DHRSX: variants seen among roughly 807,000 people sequenced by gnomAD.
DHRSX encodes the protein polyprenol dehydrogenase.
DHRSX carries 31 observed loss-of-function variants against 34.0 expected under a neutral mutation model. That is an observed-to-expected ratio of 0.91 (90% CI 0.69 to 1.23). The LOEUF (loss-of-function observed/expected upper bound fraction) is 1.23, where lower values mean the gene tolerates loss of function less well. Among genes scored for constraint, DHRSX ranks in the 50% most tolerant of loss-of-function variants. The pLI, the probability that DHRSX is intolerant of heterozygous loss-of-function variation, is 0.00. For synonymous variants in DHRSX, 201 were observed against 183.8 expected, an observed-to-expected ratio of 1.09 and a Z score of -0.76; for missense variants, 414 against 428.1, an observed-to-expected ratio of 0.97 and a Z score of 0.29.
At chrX:2,382,354 C>G (rs2043212267) in intron 3 of DHRSX, among the ~76,000 whole-genome samples, 2 of 152,164 alleles carry the variant, frequency 1.3e-5, no homozygotes, top group Admixed American at 6.6e-5. Flanking sequence ...GGACACAGAA[C>G]AGTCCACAGA....
chrX:2,224,935 ATT>A (rs1569475978), intron 6 of DHRSX, among the ~76,000 whole-genome samples: 1 of 148,168 alleles, frequency 6.7e-6, no homozygotes, highest in East Asian at 2.0e-4. Flanking sequence ...ACATGCACTC[ATT>A]CACATGTACA....
chrX:2,453,897 T>C (rs943592225), intron 1 of DHRSX, among the ~76,000 whole-genome samples: 46 of 152,124 alleles, frequency 3.0e-4, no homozygotes, highest in African/African-American at 9.7e-4. Flanking sequence ...ATATGTTAAT[T>C]AGCTTGGTTA....
chrX:2,306,746 A>G (rs1054819031), intron 3 of DHRSX, among the ~76,000 whole-genome samples: 2 of 152,034 alleles, frequency 1.3e-5, no homozygotes, highest in Admixed American at 1.3e-4. Flanking sequence ...ATTGGCCTGT[A>G]GTTTTCTATT....
At chrX:2,273,908 C>T (rs1351982726) in intron 4 of DHRSX, among the ~76,000 whole-genome samples, 3 of 152,186 alleles carry the variant, frequency 2.0e-5, no homozygotes, top group East Asian at 1.9e-4. Flanking sequence ...GCTAGGGACT[C>T]GCCTGGCGGG....
chrX:2,265,979 C>T (rs1457295240), intron 5 of DHRSX, among the ~76,000 whole-genome samples: 3 of 139,090 alleles, frequency 2.2e-5, no homozygotes, highest in South Asian at 2.3e-4. Flanking sequence ...GCAGGGAGCA[C>T]TGTTCCCAGA....
At chrX:2,246,380 T>G (rs1234787815) in intron 5 of DHRSX, among the ~76,000 whole-genome samples, 1 of 151,976 alleles carries the variant, frequency 6.6e-6, no homozygotes, top group Admixed American at 6.6e-5. Context: ...TCCCAGCGCT[T>G]TGGGAGGCTG....
intron 1 of DHRSX, among the ~76,000 whole-genome samples, chrX:2,435,636 G>T (rs1378617929): frequency 6.6e-6 from 1 of 152,082 alleles, no homozygotes; most frequent in Non-Finnish European, 1.5e-5. Context: ...ATGGTGGCTT[G>T]CATGTGTAGT....
In DHRSX at chrX:2,219,695, T is replaced by G. The variant is rs1260366356; in HGVS notation, c.*1346A>C. 2.6e-5 allele frequency: 4 copies of G among 152,162 alleles called. No individual in the cohort carries two copies. Among genetic ancestry groups the G allele is most frequent in the African/African-American group, 9.7e-5 (4 of 41,444 alleles). 9.4% of individuals were successfully genotyped at this position (152,162 alleles called of 1,614,324 possible). A position where few individuals can be genotyped will look rare whatever the true frequency, so the allele number is the denominator to read the frequency against. On this transcript the variant is annotated 3_prime_UTR_variant, in exon 7 of 7. Transcript: ENST00000334651. Reference sequence around the variant, plus strand: ...GGTACAGGCATGCCAGGAGCCTGGATTTGAATAGTCAGTGGGATTTTGTCA... The same window carrying G: ...GGTACAGGCATGCCAGGAGCCTGGAGTTGAATAGTCAGTGGGATTTTGTCA...
At chrX:2,312,025 G>C (rs1340511875) in intron 3 of DHRSX, among the ~76,000 whole-genome samples, 1 of 152,078 alleles carries the variant, frequency 6.6e-6, no homozygotes, top group Non-Finnish European at 1.5e-5. Context: ...AAAATCCAAC[G>C]GCATCAAAAT....
At chrX:2,266,048 C>T (rs772085513) in intron 5 of DHRSX, among the ~76,000 whole-genome samples, 100 of 129,382 alleles carry the variant, frequency 7.7e-4, no homozygotes, top group Non-Finnish European at 1.1e-3. Flanking sequence ...GTACAGCAGA[C>T]GCAGGGAGCA....
At chrX:2,397,162 C>T (rs938335181) in intron 3 of DHRSX, among the ~76,000 whole-genome samples, 1 of 151,848 alleles carries the variant, frequency 6.6e-6, no homozygotes, top group African/African-American at 2.4e-5. Flanking sequence ...CCACGCCTGA[C>T]TAATTTTTTT....
chrX:2,277,083 G>C (rs1452757533), intron 4 of DHRSX, among the ~76,000 whole-genome samples: 2 of 90,670 alleles, frequency 2.2e-5, no homozygotes, highest in African/African-American at 5.5e-5. Context: ...GAGAGAAAGA[G>C]AGATGGAGAG....
rs192242217 is a variant in DHRSX, at chrX:2,267,771, C to T, written c.389-824G>A. On this transcript the variant is annotated intron_variant, in intron 4 of 6. Coordinates refer to ENST00000334651, the MANE Select transcript of DHRSX (RefSeq NM_145177.3). ...GACCAGGCTGTGCACCACAGTGAAA[C>T]TCCATCTTTACCAAAAATACAAAAA... 6.6e-5 allele frequency among the ~76,000 whole-genome samples: 10 copies of T among 152,102 alleles called. No homozygotes were observed. In the East Asian group the frequency reaches 1.2e-3, roughly 18 times the overall value.
chrX:2,387,025 C>T (rs947365316), intron 3 of DHRSX, among the ~76,000 whole-genome samples: 7 of 151,984 alleles, frequency 4.6e-5, no homozygotes, highest in Admixed American at 1.3e-4. Context: ...CTTACTAGCA[C>T]GAGAACTTAG....
At chrX:2,303,900 A>AATGG (rs1244047425) in intron 3 of DHRSX, among the ~76,000 whole-genome samples, 96 of 60,888 alleles carry the variant, frequency 1.6e-3, no homozygotes, top group African/African-American at 5.0e-3. Flanking sequence ...TGGATGGATA[A>AATGG]ATGGATGGAT....
At chrX:2,393,502 G>A (rs2043362144) in intron 3 of DHRSX, among the ~76,000 whole-genome samples, 1 of 146,022 alleles carries the variant, frequency 6.8e-6, no homozygotes, top group Admixed American at 6.9e-5. Flanking sequence ...ATGACACACA[G>A]GGACCTCCCC....
intron 1 of DHRSX, among the ~76,000 whole-genome samples, chrX:2,498,910 A>G (rs1197018655): frequency 3.3e-5 from 5 of 152,180 alleles, no homozygotes; most frequent in Non-Finnish European, 7.3e-5. Context: ...CGAAAGCCTG[A>G]CTACAGTTCC....
intron 3 of DHRSX, among the ~76,000 whole-genome samples, chrX:2,361,340 C>T (rs745564337): frequency 2.0e-5 from 3 of 152,088 alleles, no homozygotes; most frequent in Admixed American, 1.3e-4. Flanking sequence ...CTCCTGACTT[C>T]GTGATACACC....
At position 2,243,090 on chromosome X, in the gene DHRSX, T is replaced by A. The variant is rs995651350; in HGVS notation, c.737A>T (p.Asp246Val). ...NVVDPGVVNTDVYKHVFWATR... is the reference protein window; with the variant it reads ...NVVDPGVVNTVVYKHVFWATR... ...GGCCCAGAACACGTGCTTGTAGACG[T>A]CCGTGTTGACCACCCCGGGGTCCAC... Residue 246 changes from aspartate to valine, a missense_variant, in exon 6 of 7, where the codon GAC (aspartate) becomes GTC (valine). Transcript: ENST00000334651. 2 of 1,613,454 alleles carry A rather than the reference T, an allele frequency of 1.2e-6. No homozygotes were observed. The highest frequency in any genetic ancestry group is 1.3e-5 in the African/African-American group (1 of 74,738).
Sources: gnomAD v4.1 joint callset for allele counts (sites outside exome capture counted in the v4.1 genomes callset) on GRCh38, gnomAD v4.1.1 for gene constraint, MANE v1.5 for transcripts, NCBI Gene and HGNC (gene_info 2026-07-23, HGNC 2026-07-21) for gene names.